Variants in ADGRB3 observed in about 807,000 individuals in gnomAD.
ADGRB3 encodes brain-specific angiogenesis inhibitor 3.
ADGRB3 carries 37 observed loss-of-function variants against 193.4 expected under a neutral mutation model. That is an observed-to-expected ratio of 0.19 (90% CI 0.15 to 0.25). The LOEUF is 0.25. ADGRB3 is among the 10% of genes least tolerant of loss of function. The pLI, the probability that ADGRB3 is intolerant of heterozygous loss-of-function variation, is 1.00. For synonymous variants in ADGRB3, 690 were observed against 644.2 expected, an observed-to-expected ratio of 1.07 and a Z score of -1.08; for missense variants, 1,637 against 1,852.9, an observed-to-expected ratio of 0.88 and a Z score of 2.14.
chr6:68,778,446 A>G (rs957586785), intron 3 of ADGRB3, among the ~76,000 whole-genome samples: 8 of 152,130 alleles, frequency 5.3e-5, no homozygotes, highest in African/African-American at 1.9e-4. Flanking sequence ...ATTCCTCGCT[A>G]TGAAACACAG....
intron 20 of ADGRB3, among the ~76,000 whole-genome samples, chr6:69,312,529 G>T (rs147784141): frequency 6.6e-6 from 1 of 151,520 alleles, no homozygotes; most frequent in African/African-American, 2.4e-5. Context: ...CTAGAATTCC[G>T]TAACAGGTCC....
At chr6:69,291,853 C>A (rs1186628549) in intron 20 of ADGRB3, among the ~76,000 whole-genome samples, 1 of 152,176 alleles carries the variant, frequency 6.6e-6, no homozygotes, top group African/African-American at 2.4e-5. Context: ...TTCCCTGAAG[C>A]AGATCATAAA....
intron 20 of ADGRB3, among the ~76,000 whole-genome samples, chr6:69,318,792 T>C (rs1388883939): frequency 6.6e-6 from 1 of 151,000 alleles, no homozygotes; most frequent in Non-Finnish European, 1.5e-5. Flanking sequence ...AATTTATGTT[T>C]TACTAGAAAA....
chr6:69,184,044 G>T (rs1423964314), intron 17 of ADGRB3, among the ~76,000 whole-genome samples: 2 of 152,016 alleles, frequency 1.3e-5, no homozygotes, highest in Admixed American at 6.6e-5. Flanking sequence ...AAATGAGAGG[G>T]TAAAAAATTT....
chr6:68,821,232 A>T (rs1287326757), intron 3 of ADGRB3, among the ~76,000 whole-genome samples: 2 of 152,022 alleles, frequency 1.3e-5, no homozygotes, highest in Non-Finnish European at 2.9e-5. Context: ...CAGCAGTTAT[A>T]TTATTGCTTT....
chr6:69,115,780 A>G (rs1408202613), intron 17 of ADGRB3, among the ~76,000 whole-genome samples: 2 of 152,214 alleles, frequency 1.3e-5, no homozygotes, highest in African/African-American at 4.8e-5. Context: ...TATTTAAGCC[A>G]TGCTTATGGT....
intron 20 of ADGRB3, among the ~76,000 whole-genome samples, chr6:69,323,369 C>A (rs1768503322): frequency 6.6e-6 from 1 of 151,794 alleles, no homozygotes. Flanking sequence ...AACTAGTCAG[C>A]CTGCAGATAT....
rs35717162 is a variant in ADGRB3 at position 69,237,025 on chromosome 6, AATT to A, written c.2711+1895_2711+1897del. 7.0e-3 allele frequency among the ~76,000 whole-genome samples: 1,070 copies of A among 152,132 alleles called. 8 individuals are homozygous for A. Among genetic ancestry groups the A allele is most frequent in the Admixed American group, 0.012 (180 of 15,278 alleles). ...TTGAAAGAAGTGACAAGACTCCATGAATTATTAAGTGAATCTTGATAACATGAT... is the reference window on the plus strand; with the variant it reads ...TTGAAAGAAGTGACAAGACTCCATGAATTAAGTGAATCTTGATAACATGAT... On this transcript the variant is annotated intron_variant, in intron 19 of 31. Coordinates refer to ENST00000370598, the MANE Select transcript of ADGRB3 (RefSeq NM_001704.3).
chr6:68,704,586 G>A (rs1765294302), intron 3 of ADGRB3, among the ~76,000 whole-genome samples: 1 of 152,110 alleles, frequency 6.6e-6, no homozygotes, highest in South Asian at 2.1e-4. Flanking sequence ...CTTAAGAGGA[G>A]CCTACATAAA....
intron 3 of ADGRB3, among the ~76,000 whole-genome samples, chr6:68,789,289 G>T (rs1275445915): frequency 6.6e-6 from 1 of 152,180 alleles, no homozygotes; most frequent in East Asian, 1.9e-4. Flanking sequence ...GCAGTGGCTG[G>T]TACCAGTTGA....
chr6:69,256,497 C>T (rs1391816806), intron 20 of ADGRB3, among the ~76,000 whole-genome samples: 12 of 152,004 alleles, frequency 7.9e-5, no homozygotes, highest in Non-Finnish European at 4.4e-5. Context: ...TGATTTGGCT[C>T]TCTGTTTGTC....
chr6:69,059,001 A>T (rs956707115), intron 15 of ADGRB3, among the ~76,000 whole-genome samples: 1 of 151,894 alleles, frequency 6.6e-6, no homozygotes, highest in African/African-American at 2.4e-5. Flanking sequence ...TTTTCTTATT[A>T]ATTTTCTGTC....
chr6:69,103,120 A>G (rs2150322491), intron 17 of ADGRB3, among the ~76,000 whole-genome samples: 1 of 152,320 alleles, frequency 6.6e-6, no homozygotes, highest in East Asian at 1.9e-4. Flanking sequence ...AAAAATCACA[A>G]ATAAAAATCT....
At chr6:69,040,707 A>AAAAAAAAAAAAAAAAAAAAT (rs1771038176) in intron 13 of ADGRB3, among the ~76,000 whole-genome samples, 1 of 60,394 alleles carries the variant, frequency 1.7e-5, no homozygotes, top group African/African-American at 6.8e-5. Context: ...AAAAAAAAAA[A>AAAAAAAAAAAAAAAAAAAAT]AACAAACAAG....
chr6:69,290,443 A>G (rs1230906038), intron 20 of ADGRB3, among the ~76,000 whole-genome samples: 3 of 151,462 alleles, frequency 2.0e-5, no homozygotes, highest in Non-Finnish European at 2.9e-5. Flanking sequence ...AGCGGGGAGA[A>G]ATTGAGACTG....
chr6:69,066,270 A>G (rs1239384582), intron 16 of ADGRB3, among the ~76,000 whole-genome samples: 3 of 151,744 alleles, frequency 2.0e-5, no homozygotes, highest in Admixed American at 6.6e-5. Context: ...ACACATCTCT[A>G]ATATCAAATC....
intron 17 of ADGRB3, among the ~76,000 whole-genome samples, chr6:69,224,675 C>T (rs1271803388): frequency 3.3e-5 from 5 of 152,154 alleles, no homozygotes; most frequent in Admixed American, 3.3e-4. Context: ...AAACACATCA[C>T]ATATAATTGA....
At position 68,926,823 on chromosome 6, in the gene ADGRB3, GA is replaced by G. The variant is rs138771778; in HGVS notation, c.758-3735del. The stretch of plus-strand genomic sequence containing the variant: ...ATTTCCAGACAAAAACTTTATAACT[GA>G]TAATTGACTATCAAAAGTCAAATTT... On this transcript the variant is annotated intron_variant, in intron 3 of 31. Transcript: ENST00000370598. 6.5e-3 allele frequency among the ~76,000 whole-genome samples: 986 copies of G among 152,170 alleles called. 6 individuals carry two copies. The highest frequency in any genetic ancestry group is 0.02 in the African/African-American group (848 of 41,538).
intron 11 of ADGRB3, among the ~76,000 whole-genome samples, chr6:69,011,839 G>C (rs889266239): frequency 6.6e-6 from 1 of 151,888 alleles, no homozygotes; most frequent in Non-Finnish European, 1.5e-5. Context: ...TTAGCTCACT[G>C]TGCCCCTACA....
Sources: gnomAD v4.1 joint callset for allele counts (sites outside exome capture counted in the v4.1 genomes callset) on GRCh38, gnomAD v4.1.1 for gene constraint, MANE v1.5 for transcripts, NCBI Gene and HGNC (gene_info 2026-07-23, HGNC 2026-07-21) for gene names.